ZNF474: variants seen among roughly 807,000 people sequenced by gnomAD.
The protein encoded by ZNF474 is zinc finger protein 474.
For missense variants in ZNF474, 511 were observed against 433.8 expected (o/e 1.18, Z -1.58); for synonymous variants, 192 against 162.2 (o/e 1.18, Z -1.39).
In ZNF474 at chr5:122,135,959, TAG is replaced by T. The variant is rs371064119; in HGVS notation, c.-213+6281_-213+6282del. Among the ~76,000 whole-genome samples, 509 of 151,836 alleles carry T rather than the reference TAG, an allele frequency of 3.4e-3. 5 individuals carry two copies. The highest frequency in any genetic ancestry group is 0.012 in the African/African-American group (483 of 41,408). On this transcript the variant is annotated intron_variant, in intron 1 of 1. Transcript: ENST00000296600. ...AAAAAAAAATGTGATCTCATTGAGA[TAG>T]AGAGTAAAATGATGGTTGCCAGAGC...
chr5:122,132,758 T>A (rs1755607703), intron 1 of ZNF474, among the ~76,000 whole-genome samples: 1 of 152,198 alleles, frequency 6.6e-6, no homozygotes, highest in Admixed American at 6.5e-5. Context: ...CTCCATTGAA[T>A]TGTCTTGGCA....
At chr5:122,132,386 A>G (rs1183928389) in intron 1 of ZNF474, among the ~76,000 whole-genome samples, 1 of 152,078 alleles carries the variant, frequency 6.6e-6, no homozygotes, top group Admixed American at 6.5e-5. Context: ...TTAACTTTAT[A>G]AAGTTAAATT....
rs762977512 is a variant in ZNF474 at position 122,152,406 on chromosome 5, C to T, written c.416C>T (p.Pro139Leu). The change falls in exon 2 of 2, where the codon CCA becomes CTA. Residue 139 changes from proline to leucine, a missense_variant. Physicochemically the swap from Pro to Leu is moderately conservative, Grantham distance 98. Coordinates refer to ENST00000296600, the MANE Select transcript of ZNF474 (RefSeq NM_207317.3). ...KHLRRPEPSK[P>L]QSLSSSGSYS... is the part of the protein sequence containing the mutation. ...TTGAGGAGGCCAGAACCCTCCAAAC[C>T]ACAGTCTCTCAGCAGCAGTGGGTCC... is the stretch of plus-strand genomic sequence containing the variant. 2.5e-6 allele frequency: 4 copies of T among 1,614,212 alleles called. No homozygotes were observed. Among genetic ancestry groups the T allele is most frequent in the Non-Finnish European group, 3.4e-6 (4 of 1,180,048 alleles).
chr5:122,130,661 C>T (rs1341646597), intron 1 of ZNF474, among the ~76,000 whole-genome samples: 2 of 152,050 alleles, frequency 1.3e-5, no homozygotes, highest in Non-Finnish European at 2.9e-5. Context: ...AAGTATTTTT[C>T]TCCTAATTTT....
intron 1 of ZNF474, among the ~76,000 whole-genome samples, chr5:122,144,247 C>T (rs1019637019): frequency 6.6e-6 from 1 of 152,082 alleles, no homozygotes; most frequent in African/African-American, 2.4e-5. Context: ...CAATTATATC[C>T]TAGAAGACTT....
chr5:122,153,224 G>A lies in ZNF474; in HGVS notation c.*139G>A, dbSNP rs997030461. 15 of 1,059,960 alleles carry A rather than the reference G, an allele frequency of 1.4e-5. No homozygotes were observed. The South Asian group carries it at 2.2e-4, about 16-fold the overall frequency. 65.7% of individuals were successfully genotyped at this position (1,059,960 alleles called of 1,614,324 possible). Reference sequence around the variant, plus strand: ...TCCAGGGCCTATACCTCTCTTGGCTGAATAGATATAAGAACATCCTTGCCT... The same window carrying A: ...TCCAGGGCCTATACCTCTCTTGGCTAAATAGATATAAGAACATCCTTGCCT... On this transcript the variant is annotated 3_prime_UTR_variant, in exon 2 of 2. Transcript: ENST00000296600.
Position 122,144,035 on chromosome 5 carries a change from T to C in ZNF474, c.-212-7744T>C, listed in dbSNP as rs73795261. 3.0e-3 allele frequency among the ~76,000 whole-genome samples: 451 copies of C among 152,298 alleles called. 5 individuals are homozygous for C. Among genetic ancestry groups the C allele is most frequent in the African/African-American group, 0.01 (431 of 41,578 alleles). On this transcript the variant is annotated intron_variant, in intron 1 of 1. Transcript: ENST00000296600. ...CTAAACACTGGCTGCTTTATTTTTT[T>C]CTCTAAAGTTATGTATATATTATCT...
chr5:122,134,952 A>G (rs896611270), intron 1 of ZNF474, among the ~76,000 whole-genome samples: 2 of 152,238 alleles, frequency 1.3e-5, no homozygotes, highest in Non-Finnish European at 2.9e-5. Context: ...AGACTTATTG[A>G]GTAAGATCTC....
At chr5:122,137,486 A>C (rs2152604015) in intron 1 of ZNF474, among the ~76,000 whole-genome samples, 1 of 144,990 alleles carries the variant, frequency 6.9e-6, no homozygotes, top group East Asian at 2.1e-4. Context: ...AAGAGTAGTT[A>C]AGAAAGGCCT....
chr5:122,139,037 A>C (rs1755772942), intron 1 of ZNF474, among the ~76,000 whole-genome samples: 1 of 152,216 alleles, frequency 6.6e-6, no homozygotes, highest in Non-Finnish European at 1.5e-5. Flanking sequence ...ATTTCCACTC[A>C]AAAGTACTAA....
chr5:122,152,066 C>A lies in ZNF474; in HGVS notation c.76C>A (p.Leu26Ile), dbSNP rs1228133450. Residue 26 changes from leucine (L) to isoleucine (I), a missense_variant, in exon 2 of 2, where the codon CTT (leucine) becomes ATT (isoleucine). Physicochemically the swap from Leu to Ile is conservative, Grantham distance 5. Transcript: ENST00000296600. ...TCACCATTCTAAAGAACCCACTTTC[C>A]TTATCAACCAAGCTGGGCTTCTCTC... Reference protein sequence around the residue: ...TFHHSKEPTFLINQAGLLSSD... With the variant: ...TFHHSKEPTFIINQAGLLSSD... 1 of 1,614,024 alleles carries A rather than the reference C, an allele frequency of 6.2e-7. No homozygotes were observed. The highest frequency in any genetic ancestry group is 1.3e-5 in the African/African-American group (1 of 74,912).
Position 122,133,851 on chromosome 5 carries a change from C to T in ZNF474, c.-213+4168C>T, listed in dbSNP as rs948350219. ...CTGAGATTACAGGCGTGAGCCATAG[C>T]GCCCAGCTCCAGCTTATTTTAGAAT... On this transcript the variant is annotated intron_variant, in intron 1 of 1. Transcript: ENST00000296600. Among the ~76,000 whole-genome samples, 5 of 152,320 alleles carry T rather than the reference C, an allele frequency of 3.3e-5. No homozygotes were observed. The South Asian group carries it at 1.0e-3, about 32-fold the overall frequency.
At chr5:122,136,927 C>T (rs1039097669) in intron 1 of ZNF474, among the ~76,000 whole-genome samples, 11 of 152,134 alleles carry the variant, frequency 7.2e-5, no homozygotes, top group South Asian at 2.1e-4. Flanking sequence ...TGGCACTGGG[C>T]GAGGTGCTGG....
intron 1 of ZNF474, among the ~76,000 whole-genome samples, chr5:122,131,252 A>G (rs987804190): frequency 2.6e-5 from 4 of 152,144 alleles, no homozygotes; most frequent in Non-Finnish European, 5.9e-5. Flanking sequence ...AACAATATGG[A>G]AGTTCCTCAA....
Position 122,137,940 on chromosome 5 carries a change from C to T in ZNF474, c.-213+8257C>T, listed in dbSNP as rs189479479. Among the ~76,000 whole-genome samples the T allele has an allele frequency of 1.2e-3, 183 of 152,318 alleles. 2 individuals are homozygous for T. Among genetic ancestry groups the T allele is most frequent in the African/African-American group, 7.0e-4 (29 of 41,578 alleles). Reference sequence around the variant, plus strand: ...GTTGAAACAGCCCACAGATGCGAGGCGCACCCGTTCACCTGCCTGGCATTA... The same window carrying T: ...GTTGAAACAGCCCACAGATGCGAGGTGCACCCGTTCACCTGCCTGGCATTA... On this transcript the variant is annotated intron_variant, in intron 1 of 1. Coordinates refer to ENST00000296600, the MANE Select transcript of ZNF474 (RefSeq NM_207317.3).
chr5:122,137,374 G>T (rs1470704731), intron 1 of ZNF474, among the ~76,000 whole-genome samples: 1 of 142,390 alleles, frequency 7.0e-6, no homozygotes. Context: ...CTTGAACCTG[G>T]AGCCAGAGGT....
chr5:122,146,884 G>A (rs1209991779), intron 1 of ZNF474, among the ~76,000 whole-genome samples: 1 of 152,212 alleles, frequency 6.6e-6, no homozygotes, highest in Non-Finnish European at 1.5e-5. Flanking sequence ...GAAAGGAAGA[G>A]AAGCAATTGT....
At chr5:122,140,210 T>C (rs1043720045) in intron 1 of ZNF474, among the ~76,000 whole-genome samples, 9 of 152,194 alleles carry the variant, frequency 5.9e-5, no homozygotes, top group Admixed American at 5.2e-4. Flanking sequence ...TAAATTCTTA[T>C]TAAAAACAGC....
Position 122,153,076 on chromosome 5 carries a change from C to G in ZNF474, c.1086C>G (p.Leu362=). ...CATTAGGTGAACCTGGTGGTGCCCT[C>G]TGCCTGTAGGGGAACAAGAGAAAAC... ...QDALGEPGGA[L]CL is the part of the protein sequence containing the mutation. Residue 362 remains leucine, a synonymous_variant, in exon 2 of 2, where the codon CTC becomes CTG. Transcript: ENST00000296600. 2 of 1,609,444 alleles carry G rather than the reference C, an allele frequency of 1.2e-6. No individual in the cohort carries two copies. The highest frequency in any genetic ancestry group is 1.7e-6 in the Non-Finnish European group (2 of 1,176,946).
Sources: gnomAD v4.1 joint callset for allele counts (sites outside exome capture counted in the v4.1 genomes callset) on GRCh38, gnomAD v4.1.1 for gene constraint, MANE v1.5 for transcripts, NCBI Gene and HGNC (gene_info 2026-07-23, HGNC 2026-07-21) for gene names.